PLXDC2: variants seen among roughly 807,000 people sequenced by gnomAD.
The protein encoded by PLXDC2 is plexin domain-containing protein 2.
In PLXDC2, 40 loss-of-function variants were observed where a neutral mutation model predicts 68.9. That is an observed-to-expected ratio of 0.58 (90% CI 0.45 to 0.76). The LOEUF (loss-of-function observed/expected upper bound fraction) is 0.76. PLXDC2 is among the 30% of genes least tolerant of loss of function. The pLI, the probability that PLXDC2 is intolerant of heterozygous loss-of-function variation, is 0.00. For synonymous variants in PLXDC2, 243 were observed against 234.2 expected (o/e 1.04, Z -0.34); for missense variants, 644 against 661.9 (o/e 0.97, Z 0.30).
At chr10:20,203,513 G>C (rs1321811334) in intron 9 of PLXDC2, among the ~76,000 whole-genome samples, 3 of 151,682 alleles carry the variant, frequency 2.0e-5, no homozygotes, top group African/African-American at 7.3e-5. Context: ...ATTTTGCCAG[G>C]CTACTCAGGC....
chr10:20,084,388 G>A (rs928992573), intron 4 of PLXDC2, among the ~76,000 whole-genome samples: 2 of 152,122 alleles, frequency 1.3e-5, no homozygotes, highest in Non-Finnish European at 2.9e-5. Context: ...CAAAAAGCAG[G>A]AGGAAGCCTT....
At chr10:20,237,019 T>G (rs1302300005) in intron 12 of PLXDC2, among the ~76,000 whole-genome samples, 1 of 151,524 alleles carries the variant, frequency 6.6e-6, no homozygotes, top group Non-Finnish European at 1.5e-5. Flanking sequence ...TTTTAAAGGA[T>G]AGTCATCCTG....
chr10:19,924,716 T>C (rs1833510589), intron 1 of PLXDC2, among the ~76,000 whole-genome samples: 1 of 152,238 alleles, frequency 6.6e-6, no homozygotes. Flanking sequence ...AGATACCTTG[T>C]GTCCATGTTT....
intron 1 of PLXDC2, among the ~76,000 whole-genome samples, chr10:19,886,029 T>C (rs1359737282): frequency 6.6e-6 from 1 of 152,188 alleles, no homozygotes; most frequent in Non-Finnish European, 1.5e-5. Flanking sequence ...TTTTATTTCA[T>C]TGAGGATTGG....
intron 1 of PLXDC2, among the ~76,000 whole-genome samples, chr10:19,995,546 A>G (rs1441340672): frequency 1.3e-5 from 2 of 152,140 alleles, no homozygotes. Context: ...CATAAATCCC[A>G]TTGTTTGTCC....
intron 5 of PLXDC2, among the ~76,000 whole-genome samples, chr10:20,145,460 CA>C (rs1265016659): frequency 6.6e-6 from 1 of 152,166 alleles, no homozygotes; most frequent in African/African-American, 2.4e-5. Flanking sequence ...GAAAAGACAG[CA>C]GCAGGTTAGA....
intron 13 of PLXDC2, among the ~76,000 whole-genome samples, chr10:20,257,767 T>A (rs949350905): frequency 5.3e-5 from 8 of 152,328 alleles, no homozygotes; most frequent in African/African-American, 1.9e-4. Context: ...AAGGTGCTAT[T>A]CTTTACTTTC....
At chr10:20,187,481 T>A (rs1834701785) in intron 9 of PLXDC2, among the ~76,000 whole-genome samples, 1 of 151,832 alleles carries the variant, frequency 6.6e-6, no homozygotes, top group African/African-American at 2.4e-5. Flanking sequence ...TATGTCTTGG[T>A]GTTAGGAACG....
intron 1 of PLXDC2, among the ~76,000 whole-genome samples, chr10:19,928,814 G>A (rs1833581896): frequency 6.7e-6 from 1 of 149,106 alleles, no homozygotes; most frequent in Non-Finnish European, 1.5e-5. Context: ...GAGTACAGTG[G>A]CCCAATCTTG....
chr10:19,918,824 C>T (rs1270244052), intron 1 of PLXDC2, among the ~76,000 whole-genome samples: 1 of 152,134 alleles, frequency 6.6e-6, no homozygotes, highest in Non-Finnish European at 1.5e-5. Flanking sequence ...GCTTCCCTTT[C>T]GGTATCAAGT....
At chr10:19,839,558 G>A (rs1200102553) in intron 1 of PLXDC2, among the ~76,000 whole-genome samples, 1 of 151,880 alleles carries the variant, frequency 6.6e-6, no homozygotes, top group Non-Finnish European at 1.5e-5. Flanking sequence ...CTGTGTACTT[G>A]GGAAATTGCT....
chr10:19,855,129 CAT>C (rs964189457), intron 1 of PLXDC2, among the ~76,000 whole-genome samples: 1 of 152,120 alleles, frequency 6.6e-6, no homozygotes, highest in Non-Finnish European at 1.5e-5. Context: ...TCATACAACA[CAT>C]GTTTGTTGAA....
chr10:20,167,405 A>C (rs953761414), intron 7 of PLXDC2, among the ~76,000 whole-genome samples: 1 of 152,144 alleles, frequency 6.6e-6, no homozygotes, highest in African/African-American at 2.4e-5. Flanking sequence ...CTTTTGTGAG[A>C]AATAAGTTGA....
intron 1 of PLXDC2, among the ~76,000 whole-genome samples, chr10:19,868,740 A>G (rs755276366): frequency 8.5e-5 from 13 of 152,168 alleles, no homozygotes; most frequent in Non-Finnish European, 1.6e-4. Flanking sequence ...AAACTGTTTT[A>G]GTGTATTTAC....
chr10:20,173,217 A>G (rs754238378), intron 7 of PLXDC2, among the ~76,000 whole-genome samples: 4 of 152,212 alleles, frequency 2.6e-5, no homozygotes, highest in African/African-American at 4.8e-5. Context: ...CAGAAAAGAA[A>G]TAAGATACAA....
intron 6 of PLXDC2, among the ~76,000 whole-genome samples, chr10:20,157,382 T>A (rs897602059): frequency 6.6e-5 from 10 of 152,214 alleles, no homozygotes; most frequent in African/African-American, 2.4e-4. Flanking sequence ...AATCAAACCC[T>A]TGCTGAGATA....
Position 20,046,910 on chromosome 10 carries a change from T to C in PLXDC2, c.366T>C (p.Gly122=). The C allele has an allele frequency of 6.2e-7, 1 of 1,612,692 alleles. No individual in the cohort carries two copies. Among genetic ancestry groups the C allele is most frequent in the Non-Finnish European group, 8.5e-7 (1 of 1,179,184 alleles). Residue 122 remains glycine, a synonymous_variant, in exon 3 of 14, where the codon GGT becomes GGC. Transcript: ENST00000377252. ...DHNYYISRIY[G]PSDSASRDLW... ...ATTACTATATATCTCGAATATATGG[T>C]CCATCTGATTCTGCCAGCCGGGATT...
intron 1 of PLXDC2, among the ~76,000 whole-genome samples, chr10:19,912,634 G>T (rs903227588): frequency 4.0e-5 from 6 of 151,736 alleles, no homozygotes; most frequent in Non-Finnish European, 8.8e-5. Context: ...CTTCCTTAAA[G>T]ATCCTTATTT....
intron 1 of PLXDC2, among the ~76,000 whole-genome samples, chr10:19,846,858 G>A (rs538694661): frequency 6.6e-6 from 1 of 152,260 alleles, no homozygotes; most frequent in Admixed American, 6.5e-5. Flanking sequence ...TAAAGAAACA[G>A]AGGTTTAATG....
Sources: allele counts gnomAD v4.1 joint callset (sites outside exome capture counted in the v4.1 genomes callset), GRCh38; gene constraint gnomAD v4.1.1; transcripts MANE v1.5; gene names NCBI Gene and HGNC (gene_info 2026-07-23, HGNC 2026-07-21).